Variants in GTPBP10 observed in about 807,000 individuals in gnomAD.
The protein encoded by GTPBP10 is GTP-binding protein 10.
Under a neutral mutation model 44.8 loss-of-function variants are expected in GTPBP10, and 38 were observed. That is an observed-to-expected ratio of 0.85 (90% CI 0.65 to 1.11). The LOEUF is 1.11. GTPBP10 is among the 50% of genes most tolerant of loss of function. The pLI, the probability that GTPBP10 is intolerant of heterozygous loss-of-function variation, is 0.00. For synonymous variants in GTPBP10, 152 were observed against 150.6 expected, an observed-to-expected ratio of 1.01 and a Z score of -0.07; for missense variants, 462 against 453.7, an observed-to-expected ratio of 1.02 and a Z score of -0.17.
intron 4 of GTPBP10, among the ~76,000 whole-genome samples, chr7:90,362,013 TTC>T (rs1175258052): frequency 6.6e-6 from 1 of 152,220 alleles, no homozygotes; most frequent in Non-Finnish European, 1.5e-5. Context: ...TATTTGATTC[TTC>T]TCTCTTTTCC....
chr7:90,348,284 A>G lies in GTPBP10; in HGVS notation c.33+1510A>G, dbSNP rs183464600. Reference sequence around the variant, plus strand: ...GCTTTGGATATACAGTTGACCCTTCAAGAACATGGGGGTTAGAGATGCCCC... The same window carrying G: ...GCTTTGGATATACAGTTGACCCTTCGAGAACATGGGGGTTAGAGATGCCCC... On this transcript the variant is annotated intron_variant, in intron 1 of 9. Coordinates refer to ENST00000222511, the MANE Select transcript of GTPBP10 (RefSeq NM_033107.4). Among the ~76,000 whole-genome samples the G allele has an allele frequency of 2.9e-4, 44 of 152,334 alleles. No individual in the cohort carries two copies. The East Asian group carries it at 6.7e-3, about 23-fold the overall frequency.
At chr7:90,352,785 A>G in intron 1 of GTPBP10, 31 bp from the exon 2 acceptor site, 1 of 1,526,356 alleles carries the variant, frequency 6.6e-7, no homozygotes, top group Non-Finnish European at 8.9e-7. Context: ...CACTTTTGGT[A>G]TACAAATATT....
At chr7:90,374,462 A>T in intron 6 of GTPBP10, 108 bp downstream of exon 6, 1 of 686,318 alleles carries the variant, frequency 1.5e-6, no homozygotes, top group Middle Eastern at 2.7e-4. Flanking sequence ...TAGGGGAGAA[A>T]AAGTAACAAG....
At chr7:90,376,745 A>G (rs1193532170) in intron 6 of GTPBP10, among the ~76,000 whole-genome samples, 1 of 152,208 alleles carries the variant, frequency 6.6e-6, no homozygotes, top group East Asian at 1.9e-4. Flanking sequence ...CTAGTATAAT[A>G]TGAACAGAAA....
intron 4 of GTPBP10, among the ~76,000 whole-genome samples, chr7:90,370,679 A>G (rs1217211882): frequency 6.6e-6 from 1 of 152,102 alleles, no homozygotes; most frequent in Non-Finnish European, 1.5e-5. Flanking sequence ...CAAAAAAATC[A>G]CTTGTACCCC....
At chr7:90,359,387 C>G (rs918200571) in intron 4 of GTPBP10, among the ~76,000 whole-genome samples, 1 of 151,992 alleles carries the variant, frequency 6.6e-6, no homozygotes, top group African/African-American at 2.4e-5. Context: ...TGAGAACATG[C>G]AATGTTTGGT....
chr7:90,379,830 TG>T (rs1240598969), intron 8 of GTPBP10, among the ~76,000 whole-genome samples: 1 of 152,204 alleles, frequency 6.6e-6, no homozygotes, highest in Non-Finnish European at 1.5e-5. Context: ...TGTCAACACT[TG>T]TTATTGTCTG....
chr7:90,368,418 T>C (rs1796180227), intron 4 of GTPBP10, among the ~76,000 whole-genome samples: 1 of 152,212 alleles, frequency 6.6e-6, no homozygotes, highest in African/African-American at 2.4e-5. Flanking sequence ...TCAGGTACAG[T>C]ACACTAATCA....
chr7:90,360,415 G>T (rs185626933), intron 4 of GTPBP10, among the ~76,000 whole-genome samples: 1 of 152,092 alleles, frequency 6.6e-6, no homozygotes, highest in Non-Finnish European at 1.5e-5. Flanking sequence ...CCCATTTCTT[G>T]TTTTTGTCAG....
At chr7:90,366,188 G>A (rs146196113) in intron 4 of GTPBP10, among the ~76,000 whole-genome samples, 444 of 152,090 alleles carry the variant, frequency 2.9e-3, no homozygotes, top group African/African-American at 0.01. Flanking sequence ...GAGGATTTTC[G>A]CATTGATGTT....
At position 90,388,733 on chromosome 7, in the gene GTPBP10, CTTAT is replaced by C. The variant is rs768124171; in HGVS notation, c.*3582_*3585del. 1 of 152,128 alleles carries C rather than the reference CTTAT, an allele frequency of 6.6e-6. No individual in the cohort carries two copies. The allele number at this position is 152,128 out of a possible 1,614,324, so 9.4% of individuals were successfully genotyped here. ...TTATGTGTTTTCTTTTATCTCAGTG[CTTAT>C]TTGCTTTGCAAGGATGAAGGTTAGA... On this transcript the variant is annotated 3_prime_UTR_variant, in exon 10 of 10. Coordinates refer to ENST00000222511, the MANE Select transcript of GTPBP10 (RefSeq NM_033107.4).
chr7:90,354,087 G>A (rs1025234405), intron 2 of GTPBP10, among the ~76,000 whole-genome samples: 5 of 152,032 alleles, frequency 3.3e-5, no homozygotes, highest in South Asian at 2.1e-4. Context: ...TCCTGCCTCC[G>A]CCTCCCAAAG....
chr7:90,371,010 G>GATAA (rs10525850), intron 4 of GTPBP10, among the ~76,000 whole-genome samples: 5,729 of 145,008 alleles, frequency 0.04, 143 homozygotes, highest in African/African-American at 0.063. Context: ...CATCTCAATA[G>GATAA]ATAAATAAAT....
rs920617673 is a variant in GTPBP10, at chr7:90,360,363, G to A, written c.464+5133G>A. On this transcript the variant is annotated intron_variant, in intron 4 of 9. Coordinates refer to ENST00000222511, the MANE Select transcript of GTPBP10 (RefSeq NM_033107.4). ...AGTTTCAGCTTTCTACATATGGCTAGCCAGTTTTCCCAGCACCATTTATTA... is the reference window on the plus strand; with the variant it reads ...AGTTTCAGCTTTCTACATATGGCTAACCAGTTTTCCCAGCACCATTTATTA... 4.3e-4 allele frequency among the ~76,000 whole-genome samples: 65 copies of A among 152,284 alleles called. 1 individual carries two copies. The highest frequency in any genetic ancestry group is 1.5e-3 in the African/African-American group (62 of 41,556).
At chr7:90,358,596 C>G (rs1255885240) in intron 4 of GTPBP10, among the ~76,000 whole-genome samples, 1 of 152,026 alleles carries the variant, frequency 6.6e-6, no homozygotes, top group Non-Finnish European at 1.5e-5. Context: ...ATTCATATCT[C>G]TCATTATATA....
chr7:90,369,655 G>A (rs1294224207), intron 4 of GTPBP10, among the ~76,000 whole-genome samples: 5 of 152,166 alleles, frequency 3.3e-5, no homozygotes, highest in Admixed American at 2.0e-4. Context: ...CTGGTCTGCC[G>A]ATTGCAAAGA....
chr7:90,353,899 T>G (rs1235096895), intron 2 of GTPBP10, among the ~76,000 whole-genome samples: 1 of 151,516 alleles, frequency 6.6e-6, no homozygotes, highest in East Asian at 1.9e-4. Context: ...CTATCATAGC[T>G]CACTGCAGCC....
intron 4 of GTPBP10, among the ~76,000 whole-genome samples, chr7:90,363,881 C>G (rs1184285737): frequency 6.6e-6 from 1 of 152,030 alleles, no homozygotes; most frequent in Non-Finnish European, 1.5e-5. Context: ...TCATTTCATT[C>G]ATTTAATCTT....
intron 4 of GTPBP10, among the ~76,000 whole-genome samples, chr7:90,359,489 G>A (rs981310206): frequency 2.0e-5 from 3 of 152,230 alleles, no homozygotes; most frequent in Middle Eastern, 3.4e-3. Context: ...TTTTATGGCT[G>A]CATACCATTC....
Sources: gnomAD v4.1 joint callset for allele counts (sites outside exome capture counted in the v4.1 genomes callset) on GRCh38, gnomAD v4.1.1 for gene constraint, MANE v1.5 for transcripts, NCBI Gene and HGNC (gene_info 2026-07-23, HGNC 2026-07-21) for gene names.